The following NEMP2 variants were observed in gnomAD, a reference collection of about 807,000 sequenced individuals.
NEMP2 encodes nuclear envelope integral membrane protein 2.
NEMP2 carries 53 observed loss-of-function variants against 54.2 expected under a neutral mutation model. The ratio of observed to expected loss-of-function variants is 0.98; its 90% CI spans 0.78 to 1.23. NEMP2 has a LOEUF of 1.23. Ranked by LOEUF, NEMP2 falls within the 50% of genes most tolerant of loss-of-function variation. NEMP2 has a pLI of 0.00. For missense variants in NEMP2, 455 were observed against 511.3 expected (o/e 0.89, Z 1.06); for synonymous variants, 197 against 190.3 (o/e 1.04, Z -0.29).
Position 190,512,578 on chromosome 2 carries a change from G to T in NEMP2, c.953+1875C>A, listed in dbSNP as rs954642127. On this transcript the variant is annotated intron_variant, in intron 7 of 8. Transcript: ENST00000409150. The surrounding 1 kb of genome is among the most constrained non-coding windows in gnomAD (Gnocchi z 4.5). ...TACATTTTGATTATTATAGAACACA[G>T]CTAGTGCACAAAAGAACCATTGTGC... 5.3e-5 allele frequency among the ~76,000 whole-genome samples: 8 copies of T among 152,218 alleles called. No individual in the cohort carries two copies. Among genetic ancestry groups the T allele is most frequent in the African/African-American group, 1.9e-4 (8 of 41,468 alleles).
the NEMP2 span, among the ~76,000 whole-genome samples, chr2:190,574,829 TTTCC>T: frequency 0.2 from 23,946 of 117,626 alleles, 2,367 homozygotes; most frequent in Middle Eastern, 0.27. Context: ...CCCCCCTTTC[TTTCC>T]TTCCTTCTTT....
chr2:190,594,479 A>C, the NEMP2 span, among the ~76,000 whole-genome samples: 1 of 152,210 alleles, frequency 6.6e-6, no homozygotes, highest in East Asian at 1.9e-4. The surrounding 1 kb of genome is among the most constrained non-coding windows in gnomAD (Gnocchi z 5.6). Context: ...TGTTAATGGA[A>C]AGGTTTGATC....
At chr2:190,448,699 C>A in the NEMP2 span, among the ~76,000 whole-genome samples, 1 of 152,156 alleles carries the variant, frequency 6.6e-6, no homozygotes, top group South Asian at 2.1e-4. Flanking sequence ...TTCACAGTTG[C>A]CCTAGCTTTC....
the NEMP2 span, among the ~76,000 whole-genome samples, chr2:190,546,995 GT>G: frequency 1.3e-5 from 2 of 152,092 alleles, no homozygotes; most frequent in African/African-American, 4.8e-5. The surrounding 1 kb of genome is among the most constrained non-coding windows in gnomAD (Gnocchi z 5.1). Flanking sequence ...CTGACACTGG[GT>G]TCTCACACAA....
At chr2:190,430,195 A>G in the NEMP2 span, among the ~76,000 whole-genome samples, 1 of 146,696 alleles carries the variant, frequency 6.8e-6, no homozygotes, top group African/African-American at 2.5e-5. Flanking sequence ...TTATGGCTGC[A>G]TAGTCCTCAT....
the NEMP2 span, among the ~76,000 whole-genome samples, chr2:190,607,440 T>A: frequency 6.6e-5 from 10 of 152,136 alleles, no homozygotes; most frequent in Non-Finnish European, 1.3e-4. This position sits in a 1 kb window ranked among gnomAD's most constrained non-coding sequence, Gnocchi z 5.2. Flanking sequence ...ACACAGGAAC[T>A]ACTATGGGCA....
At chr2:190,421,718 G>A in the NEMP2 span, among the ~76,000 whole-genome samples, 1 of 144,466 alleles carries the variant, frequency 6.9e-6, no homozygotes, top group South Asian at 2.2e-4. Context: ...ACCATACCTG[G>A]CTAACTTAAA....
the NEMP2 span, among the ~76,000 whole-genome samples, chr2:190,565,505 T>C: frequency 6.6e-6 from 1 of 152,058 alleles, no homozygotes; most frequent in Non-Finnish European, 1.5e-5. Flanking sequence ...TTTATTAGGG[T>C]TTGTCCTTGG....
At chr2:190,478,558 G>A in the NEMP2 span, among the ~76,000 whole-genome samples, 3 of 152,124 alleles carry the variant, frequency 2.0e-5, no homozygotes, top group Non-Finnish European at 4.4e-5. Flanking sequence ...TTTAAAGTCC[G>A]TGTGCTTAAA....
In NEMP2 at chr2:190,512,636, T is replaced by A. The variant is rs1408323137; in HGVS notation, c.953+1817A>T. Among the ~76,000 whole-genome samples, 1 of 152,152 alleles carries A rather than the reference T, an allele frequency of 6.6e-6. No individual in the cohort carries two copies. Among genetic ancestry groups the A allele is most frequent in the Admixed American group, 6.5e-5 (1 of 15,276 alleles). ...ACTCTGCTCTTGGCAGGGAGCTGGA[T>A]GGTTAAAGGGAAGGAAGAAGGAACT... On this transcript the variant is annotated intron_variant, in intron 7 of 8. Transcript: ENST00000409150. The surrounding 1 kb of genome is among the most constrained non-coding windows in gnomAD (Gnocchi z 4.5).
chr2:190,469,305 G>C, the NEMP2 span, among the ~76,000 whole-genome samples: 45,365 of 151,936 alleles, frequency 0.3, 7,511 homozygotes, highest in East Asian at 0.46. This position sits in a 1 kb window ranked among gnomAD's most constrained non-coding sequence, Gnocchi z 5.3. Context: ...GGCCACATTC[G>C]TGTTTACATA....
the NEMP2 span, among the ~76,000 whole-genome samples, chr2:190,564,850 G>C: frequency 9.9e-4 from 151 of 152,330 alleles, no homozygotes; most frequent in African/African-American, 3.4e-3. This position sits in a 1 kb window ranked among gnomAD's most constrained non-coding sequence, Gnocchi z 4.2. Context: ...ATGAGTAGAT[G>C]AGACATTTCA....
At chr2:190,638,753 T>C in the NEMP2 span, among the ~76,000 whole-genome samples, 66 of 152,232 alleles carry the variant, frequency 4.3e-4, no homozygotes, top group Admixed American at 1.2e-3. The surrounding 1 kb of genome is among the most constrained non-coding windows in gnomAD (Gnocchi z 5.7). Flanking sequence ...GAGCCCACAC[T>C]TGGGAGATGC....
chr2:190,527,536 G>A lies in NEMP2; in HGVS notation c.98-2158C>T, dbSNP rs548989618. On this transcript the variant is annotated intron_variant, in intron 1 of 8. Transcript: ENST00000409150. This position sits in a 1 kb window ranked among gnomAD's most constrained non-coding sequence, Gnocchi z 4.0. Reference sequence around the variant, plus strand: ...TTTACTCTTCACATTATGATAAAATGCATATGTTTCTAAATATATCAAGAA... The same window carrying A: ...TTTACTCTTCACATTATGATAAAATACATATGTTTCTAAATATATCAAGAA... Among the ~76,000 whole-genome samples, 6 of 152,284 alleles carry A rather than the reference G, an allele frequency of 3.9e-5. No individual in the cohort carries two copies. Among genetic ancestry groups the A allele is most frequent in the African/African-American group, 1.4e-4 (6 of 41,542 alleles).
At chr2:190,563,271 A>C in the NEMP2 span, among the ~76,000 whole-genome samples, 8 of 151,672 alleles carry the variant, frequency 5.3e-5, no homozygotes, top group Non-Finnish European at 1.2e-4. This position sits in a 1 kb window ranked among gnomAD's most constrained non-coding sequence, Gnocchi z 4.3. Flanking sequence ...GCCTCCTCCC[A>C]CACAGGCCCA....
At chr2:190,459,936 C>G in the NEMP2 span, among the ~76,000 whole-genome samples, 1 of 152,218 alleles carries the variant, frequency 6.6e-6, no homozygotes, top group Non-Finnish European at 1.5e-5. The surrounding 1 kb of genome is among the most constrained non-coding windows in gnomAD (Gnocchi z 5.3). Context: ...TTCTTATGCT[C>G]TGTTCTACAA....
the NEMP2 span, among the ~76,000 whole-genome samples, chr2:190,472,005 T>G: frequency 7.2e-5 from 11 of 152,000 alleles, no homozygotes; most frequent in Admixed American, 3.3e-4. Context: ...TCCAGCAAAC[T>G]CCAACAGACC....
chr2:190,467,953 G>A, the NEMP2 span, among the ~76,000 whole-genome samples: 2 of 152,242 alleles, frequency 1.3e-5, no homozygotes, highest in East Asian at 3.8e-4. This position sits in a 1 kb window ranked among gnomAD's most constrained non-coding sequence, Gnocchi z 5.5. Context: ...ACTGTTTAAT[G>A]TGTGGTCCTT....
the NEMP2 span, among the ~76,000 whole-genome samples, chr2:190,569,114 T>C: frequency 6.6e-6 from 1 of 152,214 alleles, no homozygotes; most frequent in Non-Finnish European, 1.5e-5. Flanking sequence ...ACATGCAGGT[T>C]GTACAGGGAA....
Sources: gnomAD v4.1 joint callset for allele counts (sites outside exome capture counted in the v4.1 genomes callset) on GRCh38, gnomAD v4.1.1 for gene constraint, Gnocchi (gnomAD v3.1) non-coding constraint, MANE v1.5 for transcripts, NCBI Gene and HGNC (gene_info 2026-07-23, HGNC 2026-07-21) for gene names.